EFR3A: variants seen among roughly 807,000 people sequenced by gnomAD.
EFR3A encodes protein EFR3 homolog A.
Under a neutral mutation model 104.4 loss-of-function variants are expected in EFR3A, and 76 were observed. The observed-to-expected ratio is 0.73, with a 90% CI of 0.60 to 0.88. EFR3A has a LOEUF of 0.88. EFR3A is among the 40% of genes least tolerant of loss of function. The pLI, the probability that EFR3A is intolerant of heterozygous loss-of-function variation, is 0.00. For missense variants in EFR3A, 985 were observed against 1,012.5 expected, an observed-to-expected ratio of 0.97 and a Z score of 0.37; for synonymous variants, 330 against 330.0, an observed-to-expected ratio of 1.00 and a Z score of 0.00.
intron 11 of EFR3A, 106 bp downstream of exon 11, chr8:131,976,247 T>C: frequency 1.4e-6 from 1 of 736,724 alleles, no homozygotes; most frequent in Non-Finnish European, 2.3e-6. Flanking sequence ...TCATTAGTAA[T>C]AGCATTCCTA....
intron 22 of EFR3A, among the ~76,000 whole-genome samples, chr8:132,010,404 TGAGATATA>T (rs1182346541): frequency 3.9e-5 from 2 of 51,680 alleles, no homozygotes; most frequent in African/African-American, 1.6e-4. Flanking sequence ...AAATCAAGTA[TGAGATATA>T]TATATATATA....
At chr8:131,953,486 A>C (rs1350841761) in intron 5 of EFR3A, among the ~76,000 whole-genome samples, 1 of 152,170 alleles carries the variant, frequency 6.6e-6, no homozygotes, top group Non-Finnish European at 1.5e-5. Context: ...TAAGACTTCT[A>C]GGTAAGAAAT....
rs1822327287 is a variant in EFR3A, at chr8:132,011,201, T to C, written c.*306T>C. 1 of 1,027,068 alleles carries C rather than the reference T, an allele frequency of 9.7e-7. No homozygotes were observed. Among genetic ancestry groups the C allele is most frequent in the Non-Finnish European group, 1.2e-6 (1 of 855,308 alleles). 63.6% of individuals were successfully genotyped at this position (1,027,068 alleles called of 1,614,324 possible). ...GTATGTTTTAAACTTTTCACAAATG[T>C]AATGTTTTTTAAAAAGTAAGCCTTC... On this transcript the variant is annotated 3_prime_UTR_variant, in exon 23 of 23. Coordinates refer to ENST00000254624, the MANE Select transcript of EFR3A (RefSeq NM_015137.6).
chr8:131,908,360 A>C (rs1318714131), intron 1 of EFR3A, among the ~76,000 whole-genome samples: 1 of 152,102 alleles, frequency 6.6e-6, no homozygotes, highest in South Asian at 2.1e-4. Flanking sequence ...GCTCCCGGCC[A>C]TTTGAGGGGT....
At chr8:132,001,680 A>C in intron 19 of EFR3A, 79 bp from the exon 20 acceptor site, 1 of 1,259,022 alleles carries the variant, frequency 7.9e-7, no homozygotes, top group Non-Finnish European at 1.2e-6. Context: ...AAAACTTCTT[A>C]GATGACTTGT....
At chr8:131,980,342 T>C (rs1265180802) in intron 14 of EFR3A, among the ~76,000 whole-genome samples, 1 of 152,132 alleles carries the variant, frequency 6.6e-6, no homozygotes, top group East Asian at 1.9e-4. Flanking sequence ...TTACAAAATA[T>C]CACTCTTCCT....
At chr8:131,961,578 C>T (rs1195878025) in intron 8 of EFR3A, among the ~76,000 whole-genome samples, 6 of 152,168 alleles carry the variant, frequency 3.9e-5, no homozygotes, top group Non-Finnish European at 7.4e-5. Context: ...ACCAAATCTA[C>T]GTCTGATTGG....
At chr8:131,912,000 G>A (rs1268702208) in intron 1 of EFR3A, among the ~76,000 whole-genome samples, 1 of 152,206 alleles carries the variant, frequency 6.6e-6, no homozygotes, top group East Asian at 1.9e-4. Flanking sequence ...TGGGGAAAAA[G>A]GGTTCTGGTT....
intron 18 of EFR3A, among the ~76,000 whole-genome samples, chr8:131,991,671 G>A (rs1399855824): frequency 6.6e-6 from 1 of 152,098 alleles, no homozygotes; most frequent in Non-Finnish European, 1.5e-5. Context: ...GTGAAGGCAT[G>A]GAGAGAAAGA....
At chr8:131,961,798 G>A (rs1441243558) in intron 8 of EFR3A, among the ~76,000 whole-genome samples, 1 of 152,178 alleles carries the variant, frequency 6.6e-6, no homozygotes, top group African/African-American at 2.4e-5. Context: ...AATATTAAGG[G>A]CAGCCAGAGA....
intron 7 of EFR3A, among the ~76,000 whole-genome samples, chr8:131,957,430 A>C (rs950475473): frequency 1.4e-4 from 21 of 149,390 alleles, no homozygotes; most frequent in Non-Finnish European, 1.0e-4. Context: ...GGCTCACCAC[A>C]ACCTCTGCCT....
chr8:131,932,185 T>TA (rs1390323714), intron 1 of EFR3A, among the ~76,000 whole-genome samples: 2 of 152,126 alleles, frequency 1.3e-5, no homozygotes, highest in Non-Finnish European at 2.9e-5. Flanking sequence ...TGAGACCCCC[T>TA]AATTTGAGGT....
At chr8:132,001,320 G>A (rs964726843) in intron 19 of EFR3A, among the ~76,000 whole-genome samples, 2 of 152,136 alleles carry the variant, frequency 1.3e-5, no homozygotes, top group Admixed American at 6.5e-5. Flanking sequence ...AATCATAGAG[G>A]CTGTAAAGTA....
chr8:131,947,425 T>C (rs1211612241), intron 4 of EFR3A, among the ~76,000 whole-genome samples: 1 of 152,096 alleles, frequency 6.6e-6, no homozygotes, highest in Non-Finnish European at 1.5e-5. Flanking sequence ...TTATCAGATA[T>C]ATGATTTGCA....
chr8:131,980,746 A>G (rs1820567981), intron 14 of EFR3A, among the ~76,000 whole-genome samples: 1 of 151,918 alleles, frequency 6.6e-6, no homozygotes, highest in Non-Finnish European at 1.5e-5. Context: ...TGTGCAGTAG[A>G]TCTCAAAACT....
intron 1 of EFR3A, among the ~76,000 whole-genome samples, chr8:131,933,897 A>AT (rs1400719800): frequency 6.6e-6 from 1 of 152,086 alleles, no homozygotes; most frequent in African/African-American, 2.4e-5. Context: ...AAGTATTGCA[A>AT]TGTAAGGAGA....
chr8:132,000,031 G>A (rs890967872), intron 19 of EFR3A, among the ~76,000 whole-genome samples: 2 of 152,050 alleles, frequency 1.3e-5, no homozygotes, highest in Admixed American at 1.3e-4. Flanking sequence ...CTTTAAAGTA[G>A]AATGAATAGG....
At chr8:131,917,256 A>G (rs559685582) in intron 1 of EFR3A, among the ~76,000 whole-genome samples, 15 of 152,372 alleles carry the variant, frequency 9.8e-5, no homozygotes, top group African/African-American at 3.6e-4. Flanking sequence ...AGTATCAGTC[A>G]GCTCTTGGAG....
intron 18 of EFR3A, among the ~76,000 whole-genome samples, chr8:131,993,086 T>C (rs1256689073): frequency 6.6e-6 from 1 of 152,094 alleles, no homozygotes; most frequent in Non-Finnish European, 1.5e-5. Flanking sequence ...ATCTAGTGCA[T>C]AGAAGCTAGG....
Sources: gnomAD v4.1 joint callset for allele counts (sites outside exome capture counted in the v4.1 genomes callset) on GRCh38, gnomAD v4.1.1 for gene constraint, MANE v1.5 for transcripts, NCBI Gene and HGNC (gene_info 2026-07-23, HGNC 2026-07-21) for gene names.